The following NRG1 variants were observed in gnomAD, a reference collection of about 807,000 sequenced individuals.
NRG1 encodes neuregulin 1, also known as pro-neuregulin-1, membrane-bound isoform.
A neutral mutation model predicts 63.8 loss-of-function variants in NRG1; 18 were observed. The observed-to-expected ratio is 0.28, with a 90% CI of 0.19 to 0.42. The LOEUF (loss-of-function observed/expected upper bound fraction) is 0.42. Ranked by LOEUF, NRG1 falls within the 10% of genes least tolerant of loss-of-function variation. The probability of loss-of-function intolerance (pLI) is 1.00; values close to 1 mark genes in which losing one functional copy is unlikely to be tolerated. For synonymous variants in NRG1, 302 were observed against 301.3 expected, an observed-to-expected ratio of 1.00 and a Z score of -0.02; for missense variants, 762 against 814.7, an observed-to-expected ratio of 0.94 and a Z score of 0.79.
At chr8:32,557,093 C>T (rs1835322376) in intron 1 of NRG1, among the ~76,000 whole-genome samples, 1 of 152,096 alleles carries the variant, frequency 6.6e-6, no homozygotes, top group African/African-American at 2.4e-5. Flanking sequence ...GCAAGCTCCC[C>T]CCACTGGGTT....
At chr8:32,381,425 C>T (rs1282857716) in intron 1 of NRG1, among the ~76,000 whole-genome samples, 4 of 152,156 alleles carry the variant, frequency 2.6e-5, no homozygotes, top group Non-Finnish European at 5.9e-5. Context: ...ATAAGCTTCA[C>T]GAGGGCAGCT....
intron 1 of NRG1, among the ~76,000 whole-genome samples, chr8:32,494,985 A>G (rs1827027395): frequency 6.6e-6 from 1 of 152,228 alleles, no homozygotes; most frequent in Non-Finnish European, 1.5e-5. Context: ...AACAAAGACA[A>G]AGAAAACTAC....
intron 1 of NRG1, among the ~76,000 whole-genome samples, chr8:32,568,098 T>C (rs953609929): frequency 5.3e-5 from 8 of 152,226 alleles, no homozygotes; most frequent in African/African-American, 2.4e-5. Context: ...CTAAGTATTA[T>C]TAAAGCAGAA....
intron 1 of NRG1, among the ~76,000 whole-genome samples, chr8:31,952,139 T>A (rs866326523): frequency 1.1e-4 from 16 of 152,232 alleles, no homozygotes; most frequent in Admixed American, 2.0e-4. Flanking sequence ...GGATGTTTCC[T>A]CCATACCACC....
intron 1 of NRG1, among the ~76,000 whole-genome samples, chr8:31,796,194 C>A (rs1361918220): frequency 6.6e-6 from 1 of 152,134 alleles, no homozygotes; most frequent in African/African-American, 2.4e-5. Flanking sequence ...ACAGGTTGAC[C>A]AGAAAACTAG....
At chr8:31,973,921 C>T (rs1347986828) in intron 1 of NRG1, among the ~76,000 whole-genome samples, 1 of 152,182 alleles carries the variant, frequency 6.6e-6, no homozygotes, top group Non-Finnish European at 1.5e-5. Flanking sequence ...GAAATTCACT[C>T]TCCGTCTTAG....
chr8:32,771,706 T>A (rs866992602), downstream of NRG1, among the ~76,000 whole-genome samples: 2 of 80,234 alleles, frequency 2.5e-5, no homozygotes, highest in African/African-American at 4.5e-5. Flanking sequence ...TCCATTTCTT[T>A]AAAAAAAAAA....
At chr8:31,727,233 G>A (rs899132149) in intron 1 of NRG1, among the ~76,000 whole-genome samples, 2 of 151,978 alleles carry the variant, frequency 1.3e-5, no homozygotes, top group African/African-American at 4.8e-5. Context: ...AAAACAGGAG[G>A]GTATGTGGTA....
At chr8:31,773,565 G>T (rs955914291) in intron 1 of NRG1, among the ~76,000 whole-genome samples, 28 of 152,148 alleles carry the variant, frequency 1.8e-4, no homozygotes, top group African/African-American at 6.8e-4. Context: ...TCCATAGTCG[G>T]TGCTCCACAC....
chr8:32,339,010 A>G (rs1803697615), intron 1 of NRG1, among the ~76,000 whole-genome samples: 1 of 152,158 alleles, frequency 6.6e-6, no homozygotes, highest in Non-Finnish European at 1.5e-5. Flanking sequence ...CTGATAAAGC[A>G]CATGAACAAA....
intron 5 of NRG1, among the ~76,000 whole-genome samples, chr8:32,685,272 C>T (rs933354483): frequency 1.3e-5 from 2 of 152,152 alleles, no homozygotes; most frequent in Non-Finnish European, 2.9e-5. Context: ...AGCTCTGCCA[C>T]CATCACTGGT....
At chr8:31,654,378 A>T (rs2130901426) in intron 1 of NRG1, among the ~76,000 whole-genome samples, 1 of 152,306 alleles carries the variant, frequency 6.6e-6, no homozygotes, top group African/African-American at 2.4e-5. Context: ...TCTTTTGTGC[A>T]TCTGTATCAT....
At chr8:32,524,019 G>A (rs1423187942) in intron 1 of NRG1, among the ~76,000 whole-genome samples, 2 of 151,604 alleles carry the variant, frequency 1.3e-5, no homozygotes, top group East Asian at 3.9e-4. Flanking sequence ...GGCCATGGTG[G>A]CTCATTCCTG....
intron 1 of NRG1, among the ~76,000 whole-genome samples, chr8:32,118,315 G>A (rs996787553): frequency 1.3e-5 from 2 of 152,030 alleles, no homozygotes; most frequent in Admixed American, 6.6e-5. Flanking sequence ...CCCCCGACTC[G>A]CCGCAGAGCT....
intron 1 of NRG1, among the ~76,000 whole-genome samples, chr8:31,796,720 AGCCACTGC>A (rs1180061293): frequency 6.6e-6 from 1 of 152,118 alleles, no homozygotes; most frequent in Non-Finnish European, 1.5e-5. Flanking sequence ...TACAGGCGTG[AGCCACTGC>A]GCCCGGCCAG....
At chr8:32,518,349 C>G (rs1830032666) in intron 1 of NRG1, among the ~76,000 whole-genome samples, 1 of 152,118 alleles carries the variant, frequency 6.6e-6, no homozygotes, top group Admixed American at 6.6e-5. Context: ...GCCCAGTGCC[C>G]AGAGCAGATA....
intron 1 of NRG1, among the ~76,000 whole-genome samples, chr8:32,317,607 C>A (rs1040339889): frequency 2.0e-5 from 3 of 152,136 alleles, no homozygotes; most frequent in Non-Finnish European, 2.9e-5. Context: ...ATATTACTTG[C>A]AATTGTTTTG....
intron 1 of NRG1, among the ~76,000 whole-genome samples, chr8:32,080,934 G>A (rs1414900334): frequency 6.6e-6 from 1 of 152,046 alleles, no homozygotes; most frequent in African/African-American, 2.4e-5. Flanking sequence ...TGATGTTGCA[G>A]TTTAAGTTCA....
At chr8:32,157,076 G>A (rs1412215444) in intron 1 of NRG1, among the ~76,000 whole-genome samples, 4 of 151,702 alleles carry the variant, frequency 2.6e-5, no homozygotes, top group Non-Finnish European at 4.4e-5. Context: ...GTGTGTGTGT[G>A]TGTGTGTGTG....
Sources: gnomAD v4.1 joint callset for allele counts (sites outside exome capture counted in the v4.1 genomes callset) on GRCh38, gnomAD v4.1.1 for gene constraint, MANE v1.5 for transcripts, NCBI Gene and HGNC (gene_info 2026-07-23, HGNC 2026-07-21) for gene names.